CSMD1: variants seen among roughly 807,000 people sequenced by gnomAD.
CSMD1 encodes CUB and Sushi multiple domains 1.
Under a neutral mutation model 417.5 loss-of-function variants are expected in CSMD1, and 213 were observed. The observed-to-expected ratio is 0.51, with a 90% CI of 0.46 to 0.57. The LOEUF (loss-of-function observed/expected upper bound fraction) is 0.57. Ranked by LOEUF, CSMD1 falls within the 20% of genes least tolerant of loss-of-function variation. The pLI is 0.00. For synonymous variants in CSMD1, 2,862 were observed against 1,736.8 expected (o/e 1.65, Z -16.11); for missense variants, 6,923 against 4,529.7 (o/e 1.53, Z -15.17).
chr8:4,026,919 C>T (rs1043360375), intron 4 of CSMD1, among the ~76,000 whole-genome samples: 1 of 146,578 alleles, frequency 6.8e-6, no homozygotes, highest in Admixed American at 6.7e-5. Flanking sequence ...TAAAAACCAA[C>T]CAAACAACAA....
At chr8:4,259,789 C>A (rs1803741922) in intron 3 of CSMD1, among the ~76,000 whole-genome samples, 2 of 151,966 alleles carry the variant, frequency 1.3e-5, no homozygotes, top group African/African-American at 4.8e-5. Flanking sequence ...TTAAAATATT[C>A]ATGTAAATAA....
At chr8:3,392,889 G>C (rs556338107) in intron 17 of CSMD1, among the ~76,000 whole-genome samples, 2 of 152,018 alleles carry the variant, frequency 1.3e-5, no homozygotes, top group Non-Finnish European at 2.9e-5. Context: ...ATCTGAGCTG[G>C]TATTCAGGCA....
chr8:3,421,836 C>A (rs571453706), intron 12 of CSMD1, among the ~76,000 whole-genome samples: 1 of 152,012 alleles, frequency 6.6e-6, no homozygotes, highest in Admixed American at 6.5e-5. Context: ...CAGGGTTTCA[C>A]CATATTGGTC....
intron 7 of CSMD1, among the ~76,000 whole-genome samples, chr8:3,666,286 T>C (rs187543973): frequency 2.0e-5 from 3 of 152,328 alleles, no homozygotes; most frequent in East Asian, 3.9e-4. Context: ...CTTTAGTCTA[T>C]AGATTGTGAG....
In CSMD1 at chr8:4,719,597, G is replaced by A. The variant is rs1443824456; in HGVS notation, c.86-82039C>T. Reference sequence around the variant, plus strand: ...CCTTTCTAAGATAGCATAGAACTTTGGGATGGTAAGGTCAATAAAAACTTG... The same window carrying A: ...CCTTTCTAAGATAGCATAGAACTTTAGGATGGTAAGGTCAATAAAAACTTG... On this transcript the variant is annotated intron_variant, in intron 1 of 69. Coordinates refer to ENST00000635120, the MANE Select transcript of CSMD1 (RefSeq NM_033225.6). Among the ~76,000 whole-genome samples the A allele has an allele frequency of 2.2e-5, 3 of 139,494 alleles. No individual in the cohort carries two copies. In the East Asian group the frequency reaches 6.4e-4, roughly 30 times the overall value. The allele number at this position is 139,494 out of a possible 152,430, so 91.5% of individuals were successfully genotyped here.
chr8:3,781,105 A>G (rs539786973), intron 5 of CSMD1, among the ~76,000 whole-genome samples: 1 of 152,312 alleles, frequency 6.6e-6, no homozygotes, highest in African/African-American at 2.4e-5. Flanking sequence ...AACTGTTTCA[A>G]GAAGCCAAAA....
intron 7 of CSMD1, among the ~76,000 whole-genome samples, chr8:3,703,116 C>A (rs2129037736): frequency 6.6e-6 from 1 of 152,198 alleles, no homozygotes; most frequent in South Asian, 2.1e-4. Flanking sequence ...TTGGGTTTTT[C>A]TTCAAACATT....
chr8:3,097,804 T>C (rs1815428082), intron 46 of CSMD1, among the ~76,000 whole-genome samples: 1 of 152,142 alleles, frequency 6.6e-6, no homozygotes. Flanking sequence ...TATTTAAACG[T>C]TCGATGTGAT....
intron 6 of CSMD1, among the ~76,000 whole-genome samples, chr8:3,709,742 C>A (rs1354964992): frequency 8.7e-6 from 1 of 115,404 alleles, no homozygotes; most frequent in Non-Finnish European, 1.7e-5. Flanking sequence ...GGAGCTAAAA[C>A]ACCGGCTTTC....
Position 4,239,519 on chromosome 8 carries a change from G to A in CSMD1, c.415+180434C>T, listed in dbSNP as rs567169552. Among the ~76,000 whole-genome samples, 6 of 152,270 alleles carry A rather than the reference G, an allele frequency of 3.9e-5. No homozygotes were observed. In the East Asian group the frequency reaches 9.7e-4, roughly 24 times the overall value. On this transcript the variant is annotated intron_variant, in intron 3 of 69. Transcript: ENST00000635120. Reference sequence around the variant, plus strand: ...CCACCCCAGTCTGGTCCTCAGAGCTGGTTTTGGTGGTTCCAAAGCAGTTCC... The same window carrying A: ...CCACCCCAGTCTGGTCCTCAGAGCTAGTTTTGGTGGTTCCAAAGCAGTTCC...
intron 3 of CSMD1, among the ~76,000 whole-genome samples, chr8:4,161,292 C>T (rs768920283): frequency 8.5e-5 from 13 of 152,190 alleles, no homozygotes; most frequent in Non-Finnish European, 1.6e-4. Context: ...TCACCAGCTA[C>T]ACATAATTGA....
At chr8:3,054,582 C>T (rs1317068664) in intron 49 of CSMD1, among the ~76,000 whole-genome samples, 3 of 152,096 alleles carry the variant, frequency 2.0e-5, no homozygotes, top group Non-Finnish European at 4.4e-5. Flanking sequence ...TATGCCAGTG[C>T]ACTCCAGACT....
In CSMD1 at chr8:3,587,484, A is replaced by C. The variant is rs1800655066; in HGVS notation, c.1098-1224T>G. ...GTTGTCAGTGTGGATGGATGAAGTT[A>C]ATCATAGAGACAAGATAGGGGAAAC... On this transcript the variant is annotated intron_variant, in intron 8 of 69. Coordinates refer to ENST00000635120, the MANE Select transcript of CSMD1 (RefSeq NM_033225.6). Among the ~76,000 whole-genome samples, 3 of 151,576 alleles carry C rather than the reference A, an allele frequency of 2.0e-5. No individual in the cohort carries two copies. The South Asian group carries it at 6.3e-4, about 32-fold the overall frequency.
rs1808290325 is a variant in CSMD1, at chr8:3,349,906, AT to A, written c.3305-1746del. On this transcript the variant is annotated intron_variant, in intron 21 of 69. Transcript: ENST00000635120. ...ATATATATATTTATAATATATATTT[AT>A]ATATATTTATATATTATATTATATA... Among the ~76,000 whole-genome samples, 4 of 30,016 alleles carry A rather than the reference AT, an allele frequency of 1.3e-4. 1 individual carries two copies. In the South Asian group the frequency reaches 3.3e-3, roughly 25 times the overall value. 19.7% of individuals were successfully genotyped at this position (30,016 alleles called of 152,430 possible).
intron 3 of CSMD1, among the ~76,000 whole-genome samples, chr8:4,062,411 A>G (rs1017132610): frequency 6.6e-6 from 1 of 152,160 alleles, no homozygotes; most frequent in Admixed American, 6.5e-5. Flanking sequence ...AATCGGTTGT[A>G]CATACGTATT....
chr8:4,459,896 T>C lies in CSMD1; in HGVS notation c.303-39831A>G, dbSNP rs142552141. 9.7e-3 allele frequency among the ~76,000 whole-genome samples: 1,471 copies of C among 152,224 alleles called. 22 individuals are homozygous for C. Among genetic ancestry groups the C allele is most frequent in the African/African-American group, 0.034 (1,394 of 41,544 alleles). ...ATATATAAAACAGAACCTGACAAAA[T>C]TGCATGCCAAATAAACAATCAAACA... On this transcript the variant is annotated intron_variant, in intron 2 of 69. Transcript: ENST00000635120.
At chr8:4,239,948 C>T (rs766556010) in intron 3 of CSMD1, among the ~76,000 whole-genome samples, 2 of 152,146 alleles carry the variant, frequency 1.3e-5, no homozygotes, top group African/African-American at 2.4e-5. Flanking sequence ...AAAAATAATG[C>T]ACTTTTAAAT....
intron 5 of CSMD1, among the ~76,000 whole-genome samples, chr8:3,867,611 A>G (rs1325531614): frequency 6.6e-6 from 1 of 152,152 alleles, no homozygotes; most frequent in Admixed American, 6.5e-5. Flanking sequence ...ATTTTAATCT[A>G]TACATATATC....
intron 10 of CSMD1, among the ~76,000 whole-genome samples, chr8:3,504,189 G>T (rs1239778103): frequency 5.3e-5 from 8 of 152,090 alleles, no homozygotes; most frequent in African/African-American, 1.9e-4. Flanking sequence ...TACCAGTATT[G>T]AAACACTGCA....
Sources: gnomAD v4.1 joint callset for allele counts (sites outside exome capture counted in the v4.1 genomes callset) on GRCh38, gnomAD v4.1.1 for gene constraint, MANE v1.5 for transcripts, NCBI Gene and HGNC (gene_info 2026-07-23, HGNC 2026-07-21) for gene names.